Variants in BTBD2 observed in about 807,000 individuals in gnomAD.
BTBD2 encodes the protein BTB/POZ domain-containing protein 2.
BTBD2 carries 15 observed loss-of-function variants against 44.0 expected under a neutral mutation model. The ratio of observed to expected loss-of-function variants is 0.34; its 90% CI spans 0.23 to 0.53. The LOEUF is 0.53. BTBD2 is among the 20% of genes least tolerant of loss of function. BTBD2 has a pLI of 0.95. For synonymous variants in BTBD2, 443 were observed against 335.9 expected (o/e 1.32, Z -3.49); for missense variants, 657 against 746.4 (o/e 0.88, Z 1.39).
At chr19:2,015,154 G>A (rs979965813) in intron 1 of BTBD2, 143 bp downstream of exon 1, 37 of 1,291,004 alleles carry the variant, frequency 2.9e-5, no homozygotes, top group African/African-American at 9.6e-5. Context: ...GGGTGCAGGG[G>A]TCCCGGGGAC....
chr19:1,993,529 G>C (rs994822290), intron 2 of BTBD2, among the ~76,000 whole-genome samples: 32 of 152,220 alleles, frequency 2.1e-4, no homozygotes, highest in African/African-American at 7.7e-4. Context: ...CCTTTTCCAT[G>C]AGGAACTGTT....
chr19:2,003,913 C>T (rs548577959), intron 1 of BTBD2, among the ~76,000 whole-genome samples: 1 of 152,172 alleles, frequency 6.6e-6, no homozygotes, highest in South Asian at 2.1e-4. Flanking sequence ...AAAAAGACAG[C>T]TACCAAGATA....
Position 1,993,144 on chromosome 19 carries a change from G to T in BTBD2, c.560C>A (p.Pro187Gln). 1 of 1,605,454 alleles carries T rather than the reference G, an allele frequency of 6.2e-7. No homozygotes were observed. The highest frequency in any genetic ancestry group is 2.2e-5 in the East Asian group (1 of 44,816). ...GTATAGCGTGGTCATCACCGTCTCC[G>T]GGCCAATCTGCACCTCGTCCGAGTA... ...FLYSDEVQIG[P>Q]ETVMTTLYTA... The change falls in exon 3 of 9, where the codon CCG becomes CAG. Residue 187 changes from proline (P) to glutamine (Q), a missense_variant. Pro to Gln is a moderately conservative substitution (Grantham distance 76, BLOSUM62 -1). This residue lies in a region of BTBD2 where 449 missense variants were observed against 510.9 expected (regional missense o/e 0.88). Coordinates refer to ENST00000255608, the MANE Select transcript of BTBD2 (RefSeq NM_017797.4).
In BTBD2 at chr19:1,997,466, G is replaced by A. The variant is rs775550147; in HGVS notation, c.408-3C>T. On this transcript the variant is annotated splice_polypyrimidine_tract_variant and splice_region_variant and intron_variant, in intron 1 of 8. Coordinates refer to ENST00000255608, the MANE Select transcript of BTBD2 (RefSeq NM_017797.4). Reference sequence around the variant, plus strand: ...CGCTGCCCACGGCCAGCACGAACCTGGTACGGGAGAGAGAAGGCCCTGGTT... The same window carrying A: ...CGCTGCCCACGGCCAGCACGAACCTAGTACGGGAGAGAGAAGGCCCTGGTT... 4 of 1,613,864 alleles carry A rather than the reference G, an allele frequency of 2.5e-6. No individual in the cohort carries two copies. The Admixed American group carries it at 5.0e-5, about 20-fold the overall frequency.
intron 3 of BTBD2, 66 bp from the exon 4 acceptor site, chr19:1,990,888 G>A: frequency 5.0e-6 from 7 of 1,402,738 alleles, no homozygotes; most frequent in Non-Finnish European, 6.8e-6. Flanking sequence ...CAGATCCCCA[G>A]TGCGGGGCCG....
chr19:1,987,293 G>A (rs369701715), intron 6 of BTBD2, 40 bp from the exon 7 acceptor site: 3 of 1,602,888 alleles, frequency 1.9e-6, no homozygotes, highest in Non-Finnish European at 2.6e-6. Context: ...GGATACCCAG[G>A]GATAGCCTAA....
chr19:2,015,362 C>T lies in BTBD2; in HGVS notation c.342G>A (p.Glu114=). Residue 114 remains glutamate (E), a synonymous_variant, in exon 1 of 9, where the codon GAG becomes GAA. Transcript: ENST00000255608. The stretch of plus-strand genomic sequence containing the variant: ...CCAGGAAGTGCACGTCGCACAGCAC[C>T]TCGTTGTTGAAGAGGAAGGCGAAGC... ...QERFAFLFNN[E]VLCDVHFLVG... is the part of the protein sequence containing the mutation. 6.3e-7 allele frequency: 1 copy of T among 1,585,358 alleles called. No individual in the cohort carries two copies. Among genetic ancestry groups the T allele is most frequent in the Non-Finnish European group, 8.5e-7 (1 of 1,173,124 alleles).
chr19:1,998,228 G>A (rs1420655381), intron 1 of BTBD2, among the ~76,000 whole-genome samples: 1 of 152,172 alleles, frequency 6.6e-6, no homozygotes, highest in African/African-American at 2.4e-5. Context: ...GCTTTCCCAG[G>A]GAGTCAGCTA....
rs558502628 is a variant in BTBD2, at chr19:1,999,918, C to T, written c.408-2455G>A. Among the ~76,000 whole-genome samples the T allele has an allele frequency of 1.5e-4, 23 of 149,262 alleles. No individual in the cohort carries two copies. In the East Asian group the frequency reaches 2.9e-3, roughly 19 times the overall value. On this transcript the variant is annotated intron_variant, in intron 1 of 8. Coordinates refer to ENST00000255608, the MANE Select transcript of BTBD2 (RefSeq NM_017797.4). ...CGGAGGTTTCAGTGAGCCAAGATCA[C>T]GCCATTGCACTCCTGCTTGGGTGAC... is the stretch of plus-strand genomic sequence containing the variant.
intron 2 of BTBD2, among the ~76,000 whole-genome samples, chr19:1,995,128 C>T (rs1463481082): frequency 6.6e-6 from 1 of 151,902 alleles, no homozygotes. Context: ...CTACCATGCC[C>T]AGCTAATTTT....
chr19:1,997,856 GCTCA>G (rs996729863), intron 1 of BTBD2, among the ~76,000 whole-genome samples: 1 of 152,096 alleles, frequency 6.6e-6, no homozygotes, highest in African/African-American at 2.4e-5. Flanking sequence ...GCATTCACTC[GCTCA>G]TTCACATGCA....
chr19:1,989,755 G>A, intron 5 of BTBD2: 1 of 553,276 alleles, frequency 1.8e-6, no homozygotes, highest in Non-Finnish European at 3.3e-6. Context: ...CTGGGAAGAT[G>A]CCACCAAAAC....
chr19:1,999,844 C>A (rs2016304541), intron 1 of BTBD2, among the ~76,000 whole-genome samples: 1 of 151,818 alleles, frequency 6.6e-6, no homozygotes, highest in Non-Finnish European at 1.5e-5. Context: ...TGCCTGTAAT[C>A]CCAGCTACTC....
At chr19:2,015,233 G>A (rs1269435155) in intron 1 of BTBD2, 64 bp downstream of exon 1, 3 of 1,474,640 alleles carry the variant, frequency 2.0e-6, no homozygotes, top group Middle Eastern at 2.3e-4. Flanking sequence ...AGGGCCTCAG[G>A]TGCAGGGCCC....
intron 1 of BTBD2, among the ~76,000 whole-genome samples, chr19:1,997,804 G>A (rs1381540463): frequency 6.6e-6 from 1 of 152,232 alleles, no homozygotes; most frequent in African/African-American, 2.4e-5. Flanking sequence ...ATTCACACGT[G>A]TTCATTCACA....
chr19:2,009,933 C>T (rs915289178), intron 1 of BTBD2, among the ~76,000 whole-genome samples: 4 of 152,092 alleles, frequency 2.6e-5, no homozygotes, highest in African/African-American at 4.8e-5. Context: ...GTGGGCGGAT[C>T]ACCTGAGGTC....
At chr19:2,009,009 AAC>A in intron 1 of BTBD2, among the ~76,000 whole-genome samples, 2 of 145,348 alleles carry the variant, frequency 1.4e-5, no homozygotes, top group East Asian at 4.2e-4. Flanking sequence ...GAGACCCCAG[AAC>A]ACACTGTTCT....
At chr19:2,012,547 G>A (rs2016480333) in intron 1 of BTBD2, among the ~76,000 whole-genome samples, 1 of 152,222 alleles carries the variant, frequency 6.6e-6, no homozygotes. Context: ...AAGGCCTCCG[G>A]TCAGCGAGAA....
At chr19:2,009,919 C>T (rs1309175447) in intron 1 of BTBD2, among the ~76,000 whole-genome samples, 1 of 152,086 alleles carries the variant, frequency 6.6e-6, no homozygotes, top group East Asian at 1.9e-4. Flanking sequence ...TTTGGGAGGC[C>T]GAGGTGGGCG....
Sources: allele counts gnomAD v4.1 joint callset (sites outside exome capture counted in the v4.1 genomes callset), GRCh38; gene constraint gnomAD v4.1.1; regional missense constraint gnomAD v4.1.1; transcripts MANE v1.5; gene names NCBI Gene and HGNC (gene_info 2026-07-23, HGNC 2026-07-21).